The following LRBA variants were observed in gnomAD, a reference collection of about 807,000 sequenced individuals.
LRBA encodes LPS responsive beige-like anchor protein, also known as lipopolysaccharide-responsive and beige-like anchor protein.
Under a neutral mutation model 330.0 loss-of-function variants are expected in LRBA, and 176 were observed. The ratio of observed to expected loss-of-function variants is 0.53; its 90% CI spans 0.47 to 0.60. The LOEUF is 0.60. Ranked by LOEUF, LRBA falls within the 20% of genes least tolerant of loss-of-function variation. The probability of loss-of-function intolerance (pLI) is 0.00; values close to 1 mark genes in which losing one functional copy is unlikely to be tolerated. For synonymous variants in LRBA, 1,230 were observed against 1,193.0 expected, an observed-to-expected ratio of 1.03 and a Z score of -0.64; for missense variants, 3,259 against 3,444.8, an observed-to-expected ratio of 0.95 and a Z score of 1.35.
chr4:150,507,879 A>G (rs1486669299), intron 40 of LRBA, among the ~76,000 whole-genome samples: 1 of 152,118 alleles, frequency 6.6e-6, no homozygotes, highest in African/African-American at 2.4e-5. Flanking sequence ...CATACACACC[A>G]TGGAATACTA....
intron 47 of LRBA, among the ~76,000 whole-genome samples, chr4:150,367,118 A>T (rs1315222308): frequency 1.3e-5 from 2 of 152,234 alleles, no homozygotes; most frequent in Non-Finnish European, 2.9e-5. Context: ...TTTATAGAAT[A>T]ACTAGATATT....
intron 2 of LRBA, among the ~76,000 whole-genome samples, chr4:150,936,196 T>C (rs889591027): frequency 1.3e-5 from 2 of 152,046 alleles, no homozygotes; most frequent in South Asian, 4.1e-4. Flanking sequence ...GAAAGCAATA[T>C]GGTAATACTA....
At chr4:150,903,974 T>C (rs1731037907) in intron 13 of LRBA, among the ~76,000 whole-genome samples, 1 of 152,142 alleles carries the variant, frequency 6.6e-6, no homozygotes, top group Non-Finnish European at 1.5e-5. Flanking sequence ...CAACAAATAT[T>C]TGTTGAGTAA....
At chr4:150,820,564 G>A (rs1745287564) in intron 30 of LRBA, among the ~76,000 whole-genome samples, 1 of 151,838 alleles carries the variant, frequency 6.6e-6, no homozygotes, top group African/African-American at 2.4e-5. Flanking sequence ...TACATAATTA[G>A]TATATAATAG....
intron 48 of LRBA, among the ~76,000 whole-genome samples, chr4:150,327,075 T>G (rs185395228): frequency 4.6e-4 from 70 of 152,260 alleles, no homozygotes; most frequent in African/African-American, 1.5e-3. Flanking sequence ...GTAGCAACAC[T>G]GCTAATTTAT....
intron 48 of LRBA, among the ~76,000 whole-genome samples, chr4:150,343,983 T>C (rs983401983): frequency 6.6e-6 from 1 of 152,192 alleles, no homozygotes; most frequent in Non-Finnish European, 1.5e-5. Context: ...TGAGGCCCTA[T>C]TGTTCCCTCC....
chr4:150,828,555 G>A lies in LRBA; in HGVS notation c.4796C>T (p.Ser1599Phe), dbSNP rs1746630867. 1.9e-6 allele frequency: 3 copies of A among 1,614,012 alleles called. No homozygotes were observed. The highest frequency in any genetic ancestry group is 2.5e-6 in the Non-Finnish European group (3 of 1,180,012). The part of the protein sequence containing the change: ...ASVEESESTS[S>F]ARRRDSGIGE... ...AATGCCTGAGTCCCTCCTTCGAGCA[G>A]ATGATGTGCTTTCAGATTCTTCCAC... Residue 1599 changes from serine (S) to phenylalanine (F), a missense_variant, in exon 30 of 57, where the codon TCT becomes TTT. Coordinates refer to ENST00000651943, the MANE Select transcript of LRBA (RefSeq NM_001364905.1).
intron 54 of LRBA, among the ~76,000 whole-genome samples, chr4:150,285,564 G>A (rs919356648): frequency 1.3e-5 from 2 of 152,126 alleles, no homozygotes; most frequent in African/African-American, 2.4e-5. Flanking sequence ...ATACAAAGAC[G>A]TTCCTTGTTC....
intron 47 of LRBA, among the ~76,000 whole-genome samples, chr4:150,405,136 A>T (rs1746010777): frequency 6.6e-6 from 1 of 152,352 alleles, no homozygotes; most frequent in South Asian, 2.1e-4. Context: ...GAGAAGTGAC[A>T]TCTGACATAG....
chr4:150,601,011 A>T (rs1051053999), intron 37 of LRBA, among the ~76,000 whole-genome samples: 1 of 152,204 alleles, frequency 6.6e-6, no homozygotes, highest in African/African-American at 2.4e-5. Context: ...GGGTCTATTC[A>T]TCAGTGCGGC....
chr4:150,320,203 T>G (rs990830330), intron 50 of LRBA, among the ~76,000 whole-genome samples: 1 of 152,132 alleles, frequency 6.6e-6, no homozygotes, highest in Admixed American at 6.5e-5. Flanking sequence ...CGCCACTGAC[T>G]GGGCATATTT....
chr4:150,647,821 G>A lies in LRBA; in HGVS notation c.5921+35730C>T, dbSNP rs78025027. On this transcript the variant is annotated intron_variant, in intron 37 of 56. Transcript: ENST00000651943. ...TACTTTCAAAGACCCCTCCATAATC[G>A]AGATATTTATCTACATCTATTATTG... is the stretch of plus-strand genomic sequence containing the variant. 2.2e-3 allele frequency among the ~76,000 whole-genome samples: 337 copies of A among 151,832 alleles called. 2 individuals carry two copies. Among genetic ancestry groups the A allele is most frequent in the African/African-American group, 7.6e-3 (315 of 41,440 alleles).
intron 46 of LRBA, chr4:150,422,795 C>T: frequency 6.8e-7 from 1 of 1,468,486 alleles, no homozygotes; most frequent in Non-Finnish European, 9.5e-7. Context: ...GGTAGACCTG[C>T]ATGTGCTGCG....
At chr4:150,985,750 G>A (rs868233516) in intron 2 of LRBA, among the ~76,000 whole-genome samples, 11 of 152,076 alleles carry the variant, frequency 7.2e-5, no homozygotes, top group African/African-American at 1.4e-4. Flanking sequence ...CGCCCGCCTC[G>A]GCCTCCCAAA....
chr4:150,854,089 C>T (rs567410374), intron 22 of LRBA, among the ~76,000 whole-genome samples: 1 of 152,112 alleles, frequency 6.6e-6, no homozygotes, highest in South Asian at 2.1e-4. Flanking sequence ...ACTCTCAATG[C>T]AAAAATTTCC....
intron 47 of LRBA, among the ~76,000 whole-genome samples, chr4:150,365,870 A>T (rs1023601042): frequency 3.9e-5 from 6 of 152,114 alleles, no homozygotes; most frequent in African/African-American, 1.2e-4. Flanking sequence ...GATTTCCTTA[A>T]ATCAAACTAC....
At chr4:150,970,483 A>G (rs945247134) in intron 2 of LRBA, among the ~76,000 whole-genome samples, 2 of 149,998 alleles carry the variant, frequency 1.3e-5, no homozygotes, top group African/African-American at 4.9e-5. Context: ...CTGGGCAGCA[A>G]AGCAAGACCC....
intron 49 of LRBA, among the ~76,000 whole-genome samples, chr4:150,322,120 C>G (rs1239450439): frequency 6.6e-6 from 1 of 152,136 alleles, no homozygotes; most frequent in Non-Finnish European, 1.5e-5. Flanking sequence ...CTAGGTGTTC[C>G]TCTTCCCTGT....
chr4:150,663,259 T>A (rs1781281380), intron 37 of LRBA, among the ~76,000 whole-genome samples: 1 of 151,972 alleles, frequency 6.6e-6, no homozygotes, highest in South Asian at 2.1e-4. Flanking sequence ...AGGGTGTAGA[T>A]CTTGAATTTC....
Sources: gnomAD v4.1 joint callset for allele counts (sites outside exome capture counted in the v4.1 genomes callset) on GRCh38, gnomAD v4.1.1 for gene constraint, MANE v1.5 for transcripts, NCBI Gene and HGNC (gene_info 2026-07-23, HGNC 2026-07-21) for gene names.